Variants in PRSS12 observed in about 807,000 individuals in gnomAD.
The protein encoded by PRSS12 is neurotrypsin.
Under a neutral mutation model 104.4 loss-of-function variants are expected in PRSS12, and 85 were observed. The ratio of observed to expected loss-of-function variants is 0.81; its 90% CI spans 0.68 to 0.98. The LOEUF is 0.98. Ranked by LOEUF, PRSS12 falls within the 50% of genes least tolerant of loss-of-function variation. The pLI is 0.00. For synonymous variants in PRSS12, 454 were observed against 425.2 expected, an observed-to-expected ratio of 1.07 and a Z score of -0.83; for missense variants, 1,141 against 1,139.2, an observed-to-expected ratio of 1.00 and a Z score of -0.02.
Position 118,308,500 on chromosome 4 carries a change from T to C in PRSS12, c.1567A>G (p.Thr523Ala). ...VEVFINGQWGTICDDGWTDKD... is the reference protein window; with the variant it reads ...VEVFINGQWGAICDDGWTDKD... The stretch of plus-strand genomic sequence containing the variant: ...TCAGTCCATCCATCATCACAGATTG[T>C]TCCCCACTGGCCATTGATAAAAACC... Residue 523 changes from threonine (T) to alanine (A), a missense_variant, in exon 8 of 13, where the codon ACA becomes GCA. Coordinates refer to ENST00000296498, the MANE Select transcript of PRSS12 (RefSeq NM_003619.4). The C allele has an allele frequency of 1.2e-6, 2 of 1,614,114 alleles. No individual in the cohort carries two copies. Among genetic ancestry groups the C allele is most frequent in the South Asian group, 1.1e-5 (1 of 91,086 alleles).
chr4:118,306,366 G>GT (rs1486925880), intron 8 of PRSS12, among the ~76,000 whole-genome samples: 1 of 152,186 alleles, frequency 6.6e-6, no homozygotes, highest in Non-Finnish European at 1.5e-5. Context: ...CTGTGACTAG[G>GT]TAATTGATAA....
chr4:118,325,404 A>T (rs557920613), intron 4 of PRSS12, among the ~76,000 whole-genome samples: 1 of 152,200 alleles, frequency 6.6e-6, no homozygotes, highest in African/African-American at 2.4e-5. Flanking sequence ...AATGATACAA[A>T]AATGTTTAAA....
At chr4:118,345,123 T>C (rs1488825901) in intron 1 of PRSS12, among the ~76,000 whole-genome samples, 1 of 152,222 alleles carries the variant, frequency 6.6e-6, no homozygotes, top group Non-Finnish European at 1.5e-5. Context: ...CTGCACCTAG[T>C]GTGAATGCAG....
At chr4:118,294,672 A>G (rs181093411) in intron 11 of PRSS12, among the ~76,000 whole-genome samples, 2 of 151,992 alleles carry the variant, frequency 1.3e-5, no homozygotes, top group East Asian at 3.9e-4. Flanking sequence ...TCTTGGGGGG[A>G]GCACTGACAT....
At chr4:118,310,015 C>T (rs1407319885) in intron 7 of PRSS12, among the ~76,000 whole-genome samples, 1 of 152,170 alleles carries the variant, frequency 6.6e-6, no homozygotes, top group Admixed American at 6.5e-5. Flanking sequence ...CAAAATCAAA[C>T]TCAACAAATG....
chr4:118,287,335 A>G (rs1263658418), intron 11 of PRSS12, among the ~76,000 whole-genome samples: 2 of 152,116 alleles, frequency 1.3e-5, no homozygotes, highest in Admixed American at 1.3e-4. Flanking sequence ...TTTTTTGTAG[A>G]GATAGGGTCT....
chr4:118,308,759 G>A (rs1006193753), intron 7 of PRSS12, among the ~76,000 whole-genome samples, 182 bp from the exon 8 acceptor site: 3 of 152,182 alleles, frequency 2.0e-5, no homozygotes, highest in Non-Finnish European at 4.4e-5. Flanking sequence ...GTCTCTTGCA[G>A]CCTTGAATTC....
chr4:118,306,461 AG>A (rs1471702934), intron 8 of PRSS12, among the ~76,000 whole-genome samples: 1 of 152,202 alleles, frequency 6.6e-6, no homozygotes, highest in African/African-American at 2.4e-5. Flanking sequence ...GCTGATGCCC[AG>A]GGAGTTTTCA....
intron 1 of PRSS12, among the ~76,000 whole-genome samples, chr4:118,342,057 T>C (rs979543042): frequency 6.6e-6 from 1 of 152,140 alleles, no homozygotes; most frequent in Non-Finnish European, 1.5e-5. Flanking sequence ...GGTGCTCCTA[T>C]AGTTGACGCA....
chr4:118,338,539 C>G (rs1046237660), intron 1 of PRSS12, among the ~76,000 whole-genome samples: 1 of 152,084 alleles, frequency 6.6e-6, no homozygotes, highest in African/African-American at 2.4e-5. Flanking sequence ...ATTATATTTT[C>G]TTTTTTATCT....
chr4:118,318,416 T>C lies in PRSS12; in HGVS notation c.1112A>G (p.His371Arg), dbSNP rs749358188. 4.0e-5 allele frequency: 64 copies of C among 1,614,008 alleles called. No individual in the cohort carries two copies. The highest frequency in any genetic ancestry group is 5.3e-5 in the Non-Finnish European group (62 of 1,179,998). The change falls in exon 5 of 13, where the codon CAT becomes CGT. Residue 371 changes from histidine (H) to arginine (R), a missense_variant. By Grantham distance (29) the His-to-Arg change is conservative. Transcript: ENST00000296498. ...KSSWGEHNCGHKEDAGVSCTP... is the reference protein window; with the variant it reads ...KSSWGEHNCGRKEDAGVSCTP... ...ACAGGACACTCCAGCATCTTCTTTATGGCCACAGTTATGCTCTCCCCAGGA... is the reference window on the plus strand; with the variant it reads ...ACAGGACACTCCAGCATCTTCTTTACGGCCACAGTTATGCTCTCCCCAGGA...
chr4:118,296,743 T>C (rs1466837936), intron 9 of PRSS12, among the ~76,000 whole-genome samples: 1 of 152,144 alleles, frequency 6.6e-6, no homozygotes, highest in Non-Finnish European at 1.5e-5. Context: ...CAATAGTTAT[T>C]TCTTGGTGGA....
At chr4:118,346,480 T>G (rs1724359781) in intron 1 of PRSS12, among the ~76,000 whole-genome samples, 1 of 150,514 alleles carries the variant, frequency 6.6e-6, no homozygotes, top group African/African-American at 2.4e-5. Flanking sequence ...ATATATAATA[T>G]TTACAATAAT....
chr4:118,346,024 C>A (rs1724345888), intron 1 of PRSS12, among the ~76,000 whole-genome samples: 1 of 152,192 alleles, frequency 6.6e-6, no homozygotes, highest in Admixed American at 6.5e-5. Flanking sequence ...ATGTGGAAGT[C>A]TGTGGGGGAA....
chr4:118,347,676 G>A (rs115702864), intron 1 of PRSS12, among the ~76,000 whole-genome samples: 6 of 152,226 alleles, frequency 3.9e-5, no homozygotes, highest in South Asian at 2.1e-4. Flanking sequence ...GCAATCTATC[G>A]TGTTTTGTTG....
chr4:118,327,575 A>G (rs1342839732), intron 4 of PRSS12, among the ~76,000 whole-genome samples: 1 of 152,244 alleles, frequency 6.6e-6, no homozygotes, highest in Non-Finnish European at 1.5e-5. Context: ...GAAAGAAAGT[A>G]TCCACAATTT....
chr4:118,344,756 A>C (rs972289027), intron 1 of PRSS12, among the ~76,000 whole-genome samples: 2 of 152,220 alleles, frequency 1.3e-5, no homozygotes, highest in Non-Finnish European at 2.9e-5. Context: ...GAAATTTATA[A>C]ATCTTATAAA....
intron 11 of PRSS12, among the ~76,000 whole-genome samples, 174 bp from the exon 12 acceptor site, chr4:118,283,285 A>G (rs1449412924): frequency 6.6e-6 from 1 of 152,164 alleles, no homozygotes; most frequent in Non-Finnish European, 1.5e-5. Context: ...CTGCAAACCC[A>G]TTGTCATAAC....
chr4:118,321,549 G>C lies in PRSS12; in HGVS notation c.972-2993C>G, dbSNP rs551167726. Among the ~76,000 whole-genome samples the C allele has an allele frequency of 1.2e-4, 19 of 152,296 alleles. 1 individual carries two copies. The South Asian group carries it at 3.7e-3, about 30-fold the overall frequency. On this transcript the variant is annotated intron_variant, in intron 4 of 12. Coordinates refer to ENST00000296498, the MANE Select transcript of PRSS12 (RefSeq NM_003619.4). ...CAGGGATGATAACGGCTAACTTGCA[G>C]GGTTGTAGGAATTAAACTGATGCAA...
Sources: allele counts gnomAD v4.1 joint callset (sites outside exome capture counted in the v4.1 genomes callset), GRCh38; gene constraint gnomAD v4.1.1; transcripts MANE v1.5; gene names NCBI Gene and HGNC (gene_info 2026-07-23, HGNC 2026-07-21).